The following PDE4D variants were observed in gnomAD, a reference collection of about 807,000 sequenced individuals.
The protein encoded by PDE4D is phosphodiesterase 4D.
PDE4D carries 24 observed loss-of-function variants against 87.4 expected under a neutral mutation model. The ratio of observed to expected loss-of-function variants is 0.27; its 90% CI spans 0.20 to 0.39. PDE4D has a LOEUF of 0.39. Among genes scored for constraint, PDE4D ranks in the 10% least tolerant of loss-of-function variants. The pLI, the probability that PDE4D is intolerant of heterozygous loss-of-function variation, is 1.00. For synonymous variants in PDE4D, 384 were observed against 383.2 expected (o/e 1.00, Z -0.02); for missense variants, 714 against 1,041.0 (o/e 0.69, Z 4.32).
intron 1 of PDE4D, among the ~76,000 whole-genome samples, chr5:60,307,770 T>C (rs1213075058): frequency 2.6e-5 from 4 of 151,878 alleles, no homozygotes; most frequent in African/African-American, 9.7e-5. Flanking sequence ...ATAAGAACAA[T>C]GTCCCCACAA....
intron 1 of PDE4D, among the ~76,000 whole-genome samples, chr5:59,602,042 T>A (rs1827582627): frequency 6.6e-6 from 1 of 151,928 alleles, no homozygotes; most frequent in Non-Finnish European, 1.5e-5. Context: ...GCCAACTGAA[T>A]TTAAAAACAC....
chr5:60,255,597 G>T lies in PDE4D; in HGVS notation c.-89-69910C>A, dbSNP rs1382325246. Among the ~76,000 whole-genome samples the T allele has an allele frequency of 2.0e-5, 3 of 151,712 alleles. No homozygotes were observed. The East Asian group carries it at 5.8e-4, about 29-fold the overall frequency. Reference sequence around the variant, plus strand: ...AGCCTCAATTTTCCCATTTATAAATGGACATAAGTATAACATAGTATATTG... The same window carrying T: ...AGCCTCAATTTTCCCATTTATAAATTGACATAAGTATAACATAGTATATTG... On this transcript the variant is annotated intron_variant, in intron 1 of 16. Transcript: ENST00000502484.
At chr5:59,030,575 C>G (rs543293860) in intron 6 of PDE4D, among the ~76,000 whole-genome samples, 31 of 151,704 alleles carry the variant, frequency 2.0e-4, no homozygotes, top group African/African-American at 7.5e-4. Flanking sequence ...CCTCTCTATA[C>G]GAAAAAATAA....
intron 1 of PDE4D, among the ~76,000 whole-genome samples, chr5:59,521,894 T>C (rs914680854): frequency 2.0e-5 from 3 of 152,164 alleles, no homozygotes; most frequent in African/African-American, 7.2e-5. Context: ...TTGTTAACCG[T>C]TGAAGGTTGA....
At chr5:60,105,616 G>A (rs1439836002) in intron 2 of PDE4D, among the ~76,000 whole-genome samples, 4 of 152,100 alleles carry the variant, frequency 2.6e-5, no homozygotes, top group Admixed American at 2.6e-4. Context: ...CAGAGAGAAA[G>A]GTTGGGTTAC....
In PDE4D at chr5:59,260,275, C is replaced by T. The variant is rs554909744; in HGVS notation, c.456-44307G>A. On this transcript the variant is annotated intron_variant, in intron 1 of 14. Transcript: ENST00000340635. ...TTTAGTATTCAATTAAGACTTGCCT[C>T]GAAGGCTGGGACTTCTTTATGTGAA... Among the ~76,000 whole-genome samples the T allele has an allele frequency of 5.9e-5, 9 of 151,934 alleles. No homozygotes were observed. In the South Asian group the frequency reaches 1.0e-3, roughly 17 times the overall value.
intron 1 of PDE4D, among the ~76,000 whole-genome samples, chr5:59,409,934 A>C (rs1165406254): frequency 6.6e-6 from 1 of 152,048 alleles, no homozygotes; most frequent in Non-Finnish European, 1.5e-5. Flanking sequence ...TTTAATTTTA[A>C]TTCTTATGAG....
At chr5:59,320,788 ACCT>A (rs918304395) in intron 1 of PDE4D, among the ~76,000 whole-genome samples, 25 of 151,500 alleles carry the variant, frequency 1.7e-4, no homozygotes, top group Admixed American at 7.2e-4. Flanking sequence ...TCCCTCTCTC[ACCT>A]CCTTTCCTCC....
intron 6 of PDE4D, chr5:59,002,145 T>C: frequency 2.2e-6 from 1 of 448,404 alleles, no homozygotes. Context: ...CCCCTCTAAC[T>C]CCCTCATTTC....
At chr5:59,988,614 G>A (rs975000783) in exon 3 of PDE4D, 1 of 1,599,272 alleles carries the variant, frequency 6.3e-7, no homozygotes, top group African/African-American at 1.3e-5. Context: ...GGCGAGAGGG[G>A]GAAGCTGAAT....
At chr5:59,773,033 T>C (rs1026663353) in intron 1 of PDE4D, among the ~76,000 whole-genome samples, 1 of 152,158 alleles carries the variant, frequency 6.6e-6, no homozygotes, top group African/African-American at 2.4e-5. Context: ...ATCCCCATGA[T>C]ATAAGTGTTT....
rs537426126 is a variant in PDE4D, at chr5:59,634,703, A to C, written c.455+258465T>G. ...TTGAAACTAATAAGAACAAACATAC[A>C]ATGTACCAGAATCTCTGGGACACAG... On this transcript the variant is annotated intron_variant, in intron 1 of 14. Transcript: ENST00000340635. Among the ~76,000 whole-genome samples, 25 of 152,328 alleles carry C rather than the reference A, an allele frequency of 1.6e-4. No individual in the cohort carries two copies. The South Asian group carries it at 5.0e-3, about 30-fold the overall frequency.
At chr5:59,398,704 T>C (rs201352445) in intron 1 of PDE4D, among the ~76,000 whole-genome samples, 4,617 of 74,004 alleles carry the variant, frequency 0.062, 51 homozygotes, top group African/African-American at 0.075. Context: ...CACTCCTATT[T>C]AACATAGTGT....
chr5:60,137,024 C>T (rs6887486), intron 2 of PDE4D, among the ~76,000 whole-genome samples: 99,559 of 152,060 alleles, frequency 0.65, 33,253 homozygotes, highest in Middle Eastern at 0.7. Context: ...TGTGTCCATG[C>T]GTTCTGATCA....
intron 1 of PDE4D, among the ~76,000 whole-genome samples, chr5:60,497,139 G>A (rs1277430679): frequency 3.3e-5 from 5 of 152,166 alleles, no homozygotes; most frequent in Non-Finnish European, 7.3e-5. Context: ...TTCTGGGCAA[G>A]AAGATTATAC....
chr5:60,402,815 C>T (rs554287595), intron 1 of PDE4D, among the ~76,000 whole-genome samples: 8 of 152,192 alleles, frequency 5.3e-5, no homozygotes, highest in Admixed American at 1.3e-4. Context: ...CATTGTTGAT[C>T]CCCTGTTCCT....
At chr5:59,808,602 T>G (rs183654116) in intron 1 of PDE4D, among the ~76,000 whole-genome samples, 4 of 142,534 alleles carry the variant, frequency 2.8e-5, no homozygotes, top group South Asian at 2.1e-4. Flanking sequence ...GTGTGTGTGT[T>G]TGTGTGTGTG....
At chr5:60,052,391 A>T in intron 2 of PDE4D, among the ~76,000 whole-genome samples, 1 of 152,248 alleles carries the variant, frequency 6.6e-6, no homozygotes, top group East Asian at 1.9e-4. Flanking sequence ...AACATATGCA[A>T]ATCATTAAAC....
chr5:59,300,003 T>C (rs531778766), intron 1 of PDE4D, among the ~76,000 whole-genome samples: 42 of 150,226 alleles, frequency 2.8e-4, no homozygotes, highest in Non-Finnish European at 4.1e-4. Context: ...TCCCGGCTAC[T>C]TGGGAGGCTG....
Sources: allele counts gnomAD v4.1 joint callset (sites outside exome capture counted in the v4.1 genomes callset), GRCh38; gene constraint gnomAD v4.1.1; transcripts MANE v1.5; gene names NCBI Gene and HGNC (gene_info 2026-07-23, HGNC 2026-07-21).